The following BIN2 variants were observed in gnomAD, a reference collection of about 807,000 sequenced individuals.
The protein encoded by BIN2 is breast cancer associated protein BRAP1.
Under a neutral mutation model 67.9 loss-of-function variants are expected in BIN2, and 43 were observed. The observed-to-expected ratio is 0.63, with a 90% CI of 0.50 to 0.82. The LOEUF is 0.82. BIN2 is among the 40% of genes least tolerant of loss of function. BIN2 has a pLI of 0.00. For synonymous variants in BIN2, 244 were observed against 246.8 expected, an observed-to-expected ratio of 0.99 and a Z score of 0.11; for missense variants, 581 against 671.6, an observed-to-expected ratio of 0.87 and a Z score of 1.49.
chr12:51,296,796 G>A (rs768977279), intron 8 of BIN2, among the ~76,000 whole-genome samples: 13 of 152,184 alleles, frequency 8.5e-5, no homozygotes, highest in Middle Eastern at 6.8e-3. Flanking sequence ...TCACAATGGG[G>A]TTCCCCATTT....
At chr12:51,281,790 TG>T (rs1205452220) in intron 12 of BIN2, among the ~76,000 whole-genome samples, 2 of 152,158 alleles carry the variant, frequency 1.3e-5, no homozygotes. Flanking sequence ...AGTCTTGCTC[TG>T]TCTCCCAGGC....
At chr12:51,299,380 A>G in intron 6 of BIN2, 92 bp from the exon 7 acceptor site, 1 of 1,259,322 alleles carries the variant, frequency 7.9e-7, no homozygotes, top group Non-Finnish European at 1.2e-6. Flanking sequence ...TTTAGGCACT[A>G]GGCTTTTTAG....
intron 1 of BIN2, among the ~76,000 whole-genome samples, chr12:51,319,373 T>A (rs1319575359): frequency 6.6e-6 from 1 of 152,234 alleles, no homozygotes; most frequent in East Asian, 1.9e-4. Flanking sequence ...CAAAGTAATT[T>A]GTTGCCATAA....
chr12:51,295,528 G>T (rs1479384047), intron 9 of BIN2, among the ~76,000 whole-genome samples: 1 of 133,400 alleles, frequency 7.5e-6, no homozygotes, highest in Non-Finnish European at 1.6e-5. Flanking sequence ...GCGCCACTGC[G>T]CTCCAGCCTG....
chr12:51,312,211 A>G lies in BIN2; in HGVS notation c.162+1612T>C, dbSNP rs142229906. Among the ~76,000 whole-genome samples the G allele has an allele frequency of 2.6e-4, 40 of 152,362 alleles. No homozygotes were observed. The East Asian group carries it at 7.7e-3, about 29-fold the overall frequency. On this transcript the variant is annotated intron_variant, in intron 2 of 12. Coordinates refer to ENST00000615107, the MANE Select transcript of BIN2 (RefSeq NM_016293.4). Reference sequence around the variant, plus strand: ...CATGCTTATTTGCCTGATAAGAATTATCACAAAAGATCCTATGAAAACCAC... The same window carrying G: ...CATGCTTATTTGCCTGATAAGAATTGTCACAAAAGATCCTATGAAAACCAC...
intron 1 of BIN2, chr12:51,322,681 C>A (rs1335495560): frequency 2.6e-5 from 4 of 151,988 alleles, no homozygotes; most frequent in Non-Finnish European, 5.9e-5. Flanking sequence ...TCGAGCTAGA[C>A]CTTCCCATAG....
chr12:51,312,990 C>A lies in BIN2; in HGVS notation c.162+833G>T, dbSNP rs560307362. On this transcript the variant is annotated intron_variant, in intron 2 of 12. Coordinates refer to ENST00000615107, the MANE Select transcript of BIN2 (RefSeq NM_016293.4). ...GCTCATGCCTGTAATCCCAGCACTT[C>A]GGGAGGCCAAGGTGGGTGGATCATC... Among the ~76,000 whole-genome samples the A allele has an allele frequency of 3.3e-5, 5 of 152,002 alleles. No individual in the cohort carries two copies. The East Asian group carries it at 9.7e-4, about 29-fold the overall frequency.
chr12:51,288,881 C>G (rs1405085773), intron 10 of BIN2, among the ~76,000 whole-genome samples: 1 of 151,972 alleles, frequency 6.6e-6, no homozygotes, highest in Non-Finnish European at 1.5e-5. Flanking sequence ...TCCCGAGTAG[C>G]TGGGATTACG....
chr12:51,289,809 A>T (rs1945337154), intron 10 of BIN2, among the ~76,000 whole-genome samples: 1 of 151,176 alleles, frequency 6.6e-6, no homozygotes, highest in Non-Finnish European at 1.5e-5. Flanking sequence ...AAGCTCAAGC[A>T]ATCCTCCTGT....
At chr12:51,303,819 A>G (rs775917793) in intron 2 of BIN2, among the ~76,000 whole-genome samples, 1 of 152,184 alleles carries the variant, frequency 6.6e-6, no homozygotes, top group Non-Finnish European at 1.5e-5. Flanking sequence ...TCAAATCTCA[A>G]TCTGGTAGAT....
intron 10 of BIN2, among the ~76,000 whole-genome samples, chr12:51,290,124 T>C (rs958967129): frequency 3.3e-5 from 5 of 151,030 alleles, no homozygotes; most frequent in Non-Finnish European, 3.0e-5. Context: ...TAACTTTTTC[T>C]TTTTCTTTTC....
At chr12:51,300,455 C>A (rs1039536514) in intron 5 of BIN2, among the ~76,000 whole-genome samples, 10 of 152,160 alleles carry the variant, frequency 6.6e-5, no homozygotes, top group African/African-American at 2.4e-4. Context: ...TAGCCTGTGG[C>A]CAGTGGCAAG....
At chr12:51,292,395 G>A in intron 9 of BIN2, 51 bp from the exon 10 acceptor site, 1 of 1,493,758 alleles carries the variant, frequency 6.7e-7, no homozygotes, top group Non-Finnish European at 8.9e-7. Context: ...CAGAAGCAAT[G>A]TAAATATGCA....
intron 9 of BIN2, among the ~76,000 whole-genome samples, chr12:51,293,819 G>A (rs903433128): frequency 1.3e-5 from 2 of 152,116 alleles, no homozygotes; most frequent in Non-Finnish European, 2.9e-5. Flanking sequence ...GAATGAATAA[G>A]TCTGACAATT....
At chr12:51,316,781 C>G (rs980593882) in intron 1 of BIN2, among the ~76,000 whole-genome samples, 8 of 152,188 alleles carry the variant, frequency 5.3e-5, no homozygotes, top group African/African-American at 1.9e-4. Context: ...ACATCCACTT[C>G]ATCCCATTGA....
intron 1 of BIN2, among the ~76,000 whole-genome samples, chr12:51,314,158 C>T (rs901633098): frequency 1.3e-5 from 2 of 152,080 alleles, no homozygotes; most frequent in African/African-American, 4.8e-5. Flanking sequence ...AGCAATTCTC[C>T]TGCCTCAGCC....
At chr12:51,299,164 T>C in intron 7 of BIN2, 39 bp downstream of exon 7, 3 of 1,446,194 alleles carry the variant, frequency 2.1e-6, no homozygotes, top group Non-Finnish European at 2.9e-6. Context: ...AGGTGCCTTG[T>C]GTGAAGCAAA....
chr12:51,283,501 C>T (rs369333706), intron 12 of BIN2, among the ~76,000 whole-genome samples: 6 of 152,104 alleles, frequency 3.9e-5, no homozygotes, highest in South Asian at 2.1e-4. Context: ...TGTTTATAGA[C>T]GGTGTCTAGC....
At chr12:51,295,099 AT>A (rs564739274) in intron 9 of BIN2, among the ~76,000 whole-genome samples, 13 of 149,476 alleles carry the variant, frequency 8.7e-5, no homozygotes, top group South Asian at 4.2e-4. Context: ...TGCCCGGCTA[AT>A]TTTTTTTTTC....
Sources: gnomAD v4.1 joint callset for allele counts (sites outside exome capture counted in the v4.1 genomes callset) on GRCh38, gnomAD v4.1.1 for gene constraint, MANE v1.5 for transcripts, NCBI Gene and HGNC (gene_info 2026-07-23, HGNC 2026-07-21) for gene names.